CYP4F22: variants seen among roughly 807,000 people sequenced by gnomAD.
CYP4F22 encodes the protein ultra-long-chain fatty acid omega-hydroxylase.
A neutral mutation model predicts 60.4 loss-of-function variants in CYP4F22; 37 were observed. That is an observed-to-expected ratio of 0.61 (90% CI 0.47 to 0.81). The LOEUF (loss-of-function observed/expected upper bound fraction) is 0.81. Among genes scored for constraint, CYP4F22 ranks in the 30% least tolerant of loss-of-function variants. The pLI, the probability that CYP4F22 is intolerant of heterozygous loss-of-function variation, is 0.00. For missense variants in CYP4F22, 655 were observed against 715.0 expected (o/e 0.92, Z 0.96); for synonymous variants, 258 against 280.5 (o/e 0.92, Z 0.80).
intron 3 of CYP4F22, among the ~76,000 whole-genome samples, chr19:15,529,133 A>T (rs200966413): frequency 1.9e-4 from 19 of 100,624 alleles, no homozygotes; most frequent in African/African-American, 4.5e-4. Flanking sequence ...ATTTTATTTT[A>T]TTTTTTTTTT....
chr19:15,533,402 C>A (rs1971363443), intron 4 of CYP4F22, among the ~76,000 whole-genome samples: 1 of 152,070 alleles, frequency 6.6e-6, no homozygotes, highest in Admixed American at 6.6e-5. Flanking sequence ...TGAGTAATCA[C>A]TTCCCATTTC....
rs140469057 is a variant in CYP4F22, at chr19:15,529,596, C to T, written c.223-113C>T. 891 of 1,453,428 alleles carry T rather than the reference C, an allele frequency of 6.1e-4. 13 individuals carry two copies. The East Asian group carries it at 0.019, about 31-fold the overall frequency. The allele number at this position is 1,453,428 out of a possible 1,614,324, so 90.0% of individuals were successfully genotyped here. ...GGAGGTGCAGCCAACTGCCTGAAATCATAATGTAGCACTATTGGGCTTGTT... is the reference window on the plus strand; with the variant it reads ...GGAGGTGCAGCCAACTGCCTGAAATTATAATGTAGCACTATTGGGCTTGTT... On this transcript the variant is annotated intron_variant, in intron 3 of 13. Coordinates refer to ENST00000269703, the MANE Select transcript of CYP4F22 (RefSeq NM_173483.4).
chr19:15,510,966 A>ATATTTTTTTTTTTTTT (rs34055543), intron 1 of CYP4F22, among the ~76,000 whole-genome samples: 2 of 103,336 alleles, frequency 1.9e-5, no homozygotes, highest in African/African-American at 9.2e-5. Context: ...ATATATATAT[A>ATATTTTTTTTTTTTTT]TTTTTTTTTT....
chr19:15,540,622 C>A lies in CYP4F22; in HGVS notation c.844C>A (p.Arg282=). The A allele has an allele frequency of 1.2e-6, 2 of 1,614,244 alleles. No individual in the cohort carries two copies. The highest frequency in any genetic ancestry group is 1.1e-5 in the South Asian group (1 of 91,086). Reference sequence around the variant, plus strand: ...CTTCACCACTGAAGTCATCCAGGAACGGCGGCGGGCACTGCGTCAGCAGGG... The same window carrying A: ...CTTCACCACTGAAGTCATCCAGGAAAGGCGGCGGGCACTGCGTCAGCAGGG... ...HHFTTEVIQE[R]RRALRQQGAE... Residue 282 remains arginine, a synonymous_variant, in exon 8 of 14, where the codon CGG becomes AGG. Coordinates refer to ENST00000269703, the MANE Select transcript of CYP4F22 (RefSeq NM_173483.4).
At chr19:15,542,687 T>G (rs941345438) in intron 8 of CYP4F22, among the ~76,000 whole-genome samples, 1 of 152,094 alleles carries the variant, frequency 6.6e-6, no homozygotes, top group Non-Finnish European at 1.5e-5. Context: ...TTGCTATTTA[T>G]CCTGATATTC....
intron 1 of CYP4F22, among the ~76,000 whole-genome samples, chr19:15,512,184 T>G (rs1971100306): frequency 6.6e-6 from 1 of 152,108 alleles, no homozygotes; most frequent in African/African-American, 2.4e-5. Flanking sequence ...AGGGGGTAGG[T>G]CCTGTTATTA....
intron 4 of CYP4F22, 120 bp from the exon 5 acceptor site, chr19:15,537,241 C>T: frequency 6.1e-6 from 8 of 1,309,894 alleles, no homozygotes; most frequent in Non-Finnish European, 8.7e-6. Context: ...GCGGAGGTTG[C>T]AGTGAGTGGA....
intron 3 of CYP4F22, among the ~76,000 whole-genome samples, chr19:15,526,999 G>A (rs985520029): frequency 1.3e-5 from 2 of 151,950 alleles, no homozygotes; most frequent in Non-Finnish European, 2.9e-5. Context: ...GTGAACCACC[G>A]TGCTCAGCCT....
intron 1 of CYP4F22, chr19:15,515,427 G>A (rs1971142066): frequency 4.3e-6 from 5 of 1,150,090 alleles, no homozygotes; most frequent in Admixed American, 1.8e-5. Context: ...GCAACTTTAA[G>A]GTGTTCAGTG....
chr19:15,529,726 G>C lies in CYP4F22; in HGVS notation c.240G>C (p.Ala80=), dbSNP rs145733350. 2 of 1,614,086 alleles carry C rather than the reference G, an allele frequency of 1.2e-6. No homozygotes were observed. Among genetic ancestry groups the C allele is most frequent in the Non-Finnish European group, 1.7e-6 (2 of 1,180,026 alleles). The change falls in exon 4 of 14, where the codon GCG becomes GCC. Residue 80 remains alanine, a synonymous_variant. Transcript: ENST00000269703. ...TCTTGCAGTACCTTCCAAATGAGGC[G>C]GGCCTTCAAGATGAGAAGAAGGTAC... ...GHLGMYLPNE[A]GLQDEKKVLD...
intron 10 of CYP4F22, among the ~76,000 whole-genome samples, chr19:15,547,588 C>G (rs192678214): frequency 1.3e-5 from 2 of 152,046 alleles, no homozygotes; most frequent in East Asian, 3.9e-4. Flanking sequence ...TTTGGGAGGC[C>G]GAGGTGGGTG....
In CYP4F22 at chr19:15,540,644, A is replaced by G; in HGVS notation, c.866A>G (p.Gln289Arg). 1 of 1,613,910 alleles carries G rather than the reference A, an allele frequency of 6.2e-7. No homozygotes were observed. The highest frequency in any genetic ancestry group is 8.5e-7 in the Non-Finnish European group (1 of 1,179,982). The change falls in exon 8 of 14, where the codon CAG becomes CGG. Residue 289 changes from glutamine (Q) to arginine (R), a missense_variant. Gln to Arg is a conservative substitution (Grantham distance 43). Transcript: ENST00000269703. The stretch of plus-strand genomic sequence containing the variant: ...GAACGGCGGCGGGCACTGCGTCAGC[A>G]GGGGGCCGAGGCCTGGCTTAAGGCC... Reference protein sequence around the residue: ...IQERRRALRQQGAEAWLKAKQ... With the variant: ...IQERRRALRQRGAEAWLKAKQ...
At chr19:15,546,775 C>A (rs1971531065) in intron 10 of CYP4F22, among the ~76,000 whole-genome samples, 1 of 151,666 alleles carries the variant, frequency 6.6e-6, no homozygotes, top group Admixed American at 6.6e-5. Flanking sequence ...TTGAGATAGG[C>A]TCTCACACTG....
At chr19:15,527,259 C>A (rs1971293288) in intron 3 of CYP4F22, among the ~76,000 whole-genome samples, 1 of 152,086 alleles carries the variant, frequency 6.6e-6, no homozygotes, top group Non-Finnish European at 1.5e-5. Context: ...GCTTACACAC[C>A]CTCCATGGCT....
rs143062263 is a variant in CYP4F22 at position 15,540,731 on chromosome 19, C to CTGGAGGGTGGAG, written c.939+14_939+15insTGGAGGGTGGAG. ...CTCCTGGCCAGGGTGAGGCTGGGCC[C>CTGGAGGGTGGAG]CCTGGAATTGCTGGCCTCCCGAGGG... On this transcript the variant is annotated intron_variant, in intron 8 of 13. Coordinates refer to ENST00000269703, the MANE Select transcript of CYP4F22 (RefSeq NM_173483.4). 4 of 1,470,720 alleles carry CTGGAGGGTGGAG rather than the reference C, an allele frequency of 2.7e-6. No individual in the cohort carries two copies. Among genetic ancestry groups the CTGGAGGGTGGAG allele is most frequent in the Non-Finnish European group, 3.6e-6 (4 of 1,116,044 alleles). 91.1% of individuals were successfully genotyped at this position (1,470,720 alleles called of 1,614,324 possible). A position where few individuals can be genotyped will look rare whatever the true frequency, so the allele number is the denominator to read the frequency against.
intron 4 of CYP4F22, among the ~76,000 whole-genome samples, chr19:15,532,969 T>G (rs1475202000): frequency 2.0e-5 from 3 of 152,166 alleles, no homozygotes; most frequent in African/African-American, 7.2e-5. Flanking sequence ...TGCCCCCACC[T>G]GGAATTACAC....
intron 1 of CYP4F22, among the ~76,000 whole-genome samples, chr19:15,520,850 C>T (rs1262412828): frequency 6.6e-6 from 1 of 152,012 alleles, no homozygotes; most frequent in Non-Finnish European, 1.5e-5. Flanking sequence ...TCACTGCAAC[C>T]TCCGCCTCCT....
At chr19:15,513,749 C>A (rs1181388364) in intron 1 of CYP4F22, among the ~76,000 whole-genome samples, 1 of 152,096 alleles carries the variant, frequency 6.6e-6, no homozygotes, top group Non-Finnish European at 1.5e-5. Flanking sequence ...AATCCGCACC[C>A]CCCTCGGTCT....
chr19:15,531,162 A>G (rs1971338589), intron 4 of CYP4F22, among the ~76,000 whole-genome samples: 1 of 152,144 alleles, frequency 6.6e-6, no homozygotes, highest in South Asian at 2.1e-4. Context: ...GGATCACTTG[A>G]GCTCAGGAGT....
Sources: gnomAD v4.1 joint callset for allele counts (sites outside exome capture counted in the v4.1 genomes callset) on GRCh38, gnomAD v4.1.1 for gene constraint, MANE v1.5 for transcripts, NCBI Gene and HGNC (gene_info 2026-07-23, HGNC 2026-07-21) for gene names.